The following PSMC2 variants were observed in gnomAD, a reference collection of about 807,000 sequenced individuals.
PSMC2 encodes 26S proteasome regulatory subunit 7.
PSMC2 carries 7 observed loss-of-function variants against 53.3 expected under a neutral mutation model. The ratio of observed to expected loss-of-function variants is 0.13; its 90% CI spans 0.07 to 0.25. The LOEUF is 0.25. PSMC2 is among the 10% of genes least tolerant of loss of function. PSMC2 has a pLI of 1.00. For synonymous variants in PSMC2, 169 were observed against 183.9 expected, an observed-to-expected ratio of 0.92 and a Z score of 0.66; for missense variants, 241 against 544.0, an observed-to-expected ratio of 0.44 and a Z score of 5.54.
chr7:103,354,796 T>G (rs774076443), intron 2 of PSMC2, 72 bp from the exon 3 acceptor site: 281 of 982,114 alleles, frequency 2.9e-4, no homozygotes, highest in Non-Finnish European at 4.3e-4. Flanking sequence ...AACTTAAAAA[T>G]AATTTTTACC....
chr7:103,352,658 G>A, intron 1 of PSMC2: 1 of 534,318 alleles, frequency 1.9e-6, no homozygotes. Flanking sequence ...GCCTGTCTCG[G>A]CCTGGGATTA....
At chr7:103,364,088 G>A (rs940654559) in intron 7 of PSMC2, 55 bp from the exon 8 acceptor site, 19 of 1,534,092 alleles carry the variant, frequency 1.2e-5, no homozygotes, top group Non-Finnish European at 2.7e-6. Flanking sequence ...TTTAGAAGTA[G>A]TCTGATTTTT....
chr7:103,366,915 A>G lies in PSMC2; in HGVS notation c.845-498A>G, dbSNP rs574052977. On this transcript the variant is annotated intron_variant, in intron 9 of 11. Transcript: ENST00000292644. ...TGCCTCCTGGGTTCAAGCAATTCTC[A>G]TGTCTCAGCCTCCTGAGTAGCTGCA... is the stretch of plus-strand genomic sequence containing the variant. 1.1e-4 allele frequency among the ~76,000 whole-genome samples: 17 copies of G among 152,086 alleles called. No individual in the cohort carries two copies. In the South Asian group the frequency reaches 1.7e-3, roughly 15 times the overall value.
Position 103,353,931 on chromosome 7 carries a change from G to C in PSMC2, c.81G>C (p.Glu27Asp), listed in dbSNP as rs1462921430. 6.2e-6 allele frequency: 10 copies of C among 1,603,492 alleles called. No homozygotes were observed. The highest frequency in any genetic ancestry group is 8.5e-6 in the Non-Finnish European group (10 of 1,173,416). ...KDDKPIRALD[E>D]GDIALLKTYG... is the part of the protein sequence containing the mutation. ...TCTCTCTTCTTTCAGCTCTGGATGA[G>C]GGGGATATTGCCTTGTTGAAAACTT... The change falls in exon 2 of 12, where the codon GAG becomes GAC. Residue 27 changes from glutamate (E) to aspartate (D), a missense_variant. By Grantham distance (45) the Glu-to-Asp change is conservative. Transcript: ENST00000292644.
chr7:103,363,881 G>C (rs1329981149), intron 7 of PSMC2, among the ~76,000 whole-genome samples: 1 of 152,102 alleles, frequency 6.6e-6, no homozygotes, highest in Non-Finnish European at 1.5e-5. Flanking sequence ...AATATTTTAA[G>C]ACTGGATAAT....
At chr7:103,355,816 A>T (rs1386920889) in intron 4 of PSMC2, 23 bp downstream of exon 4, 1 of 1,528,378 alleles carries the variant, frequency 6.5e-7, no homozygotes. Flanking sequence ...GCTCTGTGGC[A>T]ACTTACCTTT....
chr7:103,364,981 A>ATATATT (rs950613120), intron 8 of PSMC2, among the ~76,000 whole-genome samples: 4 of 140,800 alleles, frequency 2.8e-5, no homozygotes, highest in Admixed American at 7.1e-5. Context: ...ATATATATAT[A>ATATATT]TATTTAGAGA....
intron 8 of PSMC2, among the ~76,000 whole-genome samples, chr7:103,364,958 C>CACAT (rs1554575470): frequency 8.0e-6 from 1 of 125,502 alleles, no homozygotes; most frequent in African/African-American, 2.9e-5. Context: ...TGTAGACATA[C>CACAT]ATATATATAT....
intron 1 of PSMC2, among the ~76,000 whole-genome samples, chr7:103,349,419 G>A (rs1250209214): frequency 1.3e-5 from 2 of 151,802 alleles, no homozygotes; most frequent in Non-Finnish European, 2.9e-5. Flanking sequence ...TGACTAACAT[G>A]TATATAGGAT....
intron 1 of PSMC2, chr7:103,348,726 T>C (rs150558149): frequency 6.5e-7 from 1 of 1,549,748 alleles, no homozygotes; most frequent in African/African-American, 1.4e-5. Flanking sequence ...GCCGCCAGTG[T>C]TTTTGTCAGT....
chr7:103,348,619 T>C lies in PSMC2; in HGVS notation c.70+838T>C. On this transcript the variant is annotated intron_variant, in intron 1 of 11. Coordinates refer to ENST00000292644, the MANE Select transcript of PSMC2 (RefSeq NM_002803.4). ...GACCAAGATGGGTCACCAGAAGCTATGCTGGAGCCACCCGCGAAAATTCGG... is the reference window on the plus strand; with the variant it reads ...GACCAAGATGGGTCACCAGAAGCTACGCTGGAGCCACCCGCGAAAATTCGG... The C allele has an allele frequency of 4.2e-6, 5 of 1,188,418 alleles. No individual in the cohort carries two copies. The South Asian group carries it at 4.8e-5, about 12-fold the overall frequency. The allele number at this position is 1,188,418 out of a possible 1,614,324, so 73.6% of individuals were successfully genotyped here.
intron 9 of PSMC2, 31 bp downstream of exon 9, chr7:103,366,194 G>T (rs1820708748): frequency 6.4e-7 from 1 of 1,557,580 alleles, no homozygotes; most frequent in Admixed American, 1.7e-5. Flanking sequence ...AACTGCTTTA[G>T]GATTCAGTTT....
Position 103,364,160 on chromosome 7 carries a change from C to T in PSMC2, c.609C>T (p.Asn203=). The T allele has an allele frequency of 6.2e-7, 1 of 1,613,968 alleles. No individual in the cohort carries two copies. Among genetic ancestry groups the T allele is most frequent in the Non-Finnish European group, 8.5e-7 (1 of 1,179,950 alleles). Residue 203 remains asparagine (N), a synonymous_variant, in exon 8 of 12, where the codon AAC becomes AAT. Transcript: ENST00000292644. ...TATCACAGCCAGAGAGGTTTGTGAACCTTGGCATTGAGCCTCCCAAGGGCG... is the reference window on the plus strand; with the variant it reads ...TATCACAGCCAGAGAGGTTTGTGAATCTTGGCATTGAGCCTCCCAAGGGCG... The part of the protein sequence containing the change: ...TPLLHPERFV[N]LGIEPPKGVL...
Position 103,367,668 on chromosome 7 carries a change from G to C in PSMC2, c.1048-45G>C, listed in dbSNP as rs1820784781. On this transcript the variant is annotated intron_variant, in intron 10 of 11. Coordinates refer to ENST00000292644, the MANE Select transcript of PSMC2 (RefSeq NM_002803.4). This position sits in a 1 kb window ranked among gnomAD's most constrained non-coding sequence, Gnocchi z 6.1. ...GGGATTTTTGAAGTTTTTTCTTCCT[G>C]TGATTTTTTTCCATTTTAATATTTG... 6.2e-7 allele frequency: 1 copy of C among 1,608,512 alleles called. No homozygotes were observed. The highest frequency in any genetic ancestry group is 1.3e-5 in the African/African-American group (1 of 74,496).
At chr7:103,362,462 T>G in intron 5 of PSMC2, 1 of 1,378,570 alleles carries the variant, frequency 7.3e-7, no homozygotes, top group African/African-American at 1.5e-5. Context: ...AAATCTCCCC[T>G]CCCTCCTCAA....
At chr7:103,354,365 ATT>A (rs752847513) in intron 2 of PSMC2, among the ~76,000 whole-genome samples, 1,572 of 134,458 alleles carry the variant, frequency 0.012, 23 homozygotes, top group African/African-American at 0.041. Context: ...TTCACACACG[ATT>A]TTTTTTTTTT....
At chr7:103,348,004 C>T (rs1397856589) in intron 1 of PSMC2, among the ~76,000 whole-genome samples, 11 of 152,182 alleles carry the variant, frequency 7.2e-5, no homozygotes, top group Admixed American at 5.9e-4. Context: ...TTTATTCATT[C>T]TCAGCTCTCG....
chr7:103,348,093 C>T (rs1819644839), intron 1 of PSMC2, among the ~76,000 whole-genome samples: 1 of 152,150 alleles, frequency 6.6e-6, no homozygotes. Flanking sequence ...GTCACCTGAT[C>T]CTCTTTCCTC....
intron 4 of PSMC2, among the ~76,000 whole-genome samples, chr7:103,357,235 A>G (rs1156787133): frequency 6.6e-6 from 1 of 151,644 alleles, no homozygotes; most frequent in African/African-American, 2.4e-5. Flanking sequence ...CTGAGGCAGG[A>G]GAATCGCTTG....
Sources: allele counts gnomAD v4.1 joint callset (sites outside exome capture counted in the v4.1 genomes callset), GRCh38; gene constraint gnomAD v4.1.1; non-coding constraint Gnocchi (gnomAD v3.1); transcripts MANE v1.5; gene names NCBI Gene and HGNC (gene_info 2026-07-23, HGNC 2026-07-21).